The following PCDH9 variants were observed in gnomAD, a reference collection of about 807,000 sequenced individuals.
PCDH9 encodes the protein protocadherin-9.
In PCDH9, 24 loss-of-function variants were observed where a neutral mutation model predicts 70.6. That is an observed-to-expected ratio of 0.34 (90% confidence interval 0.25 to 0.48). The LOEUF (loss-of-function observed/expected upper bound fraction) is 0.48. PCDH9 is among the 20% of genes least tolerant of loss of function. PCDH9 has a pLI of 0.99. For missense variants in PCDH9, 1,281 were observed against 1,503.6 expected, an observed-to-expected ratio of 0.85 and a Z score of 2.45; for synonymous variants, 562 against 558.5, an observed-to-expected ratio of 1.01 and a Z score of -0.09.
chr13:66,490,689 T>C (rs1959019958), intron 4 of PCDH9, among the ~76,000 whole-genome samples: 1 of 152,170 alleles, frequency 6.6e-6, no homozygotes, highest in Non-Finnish European at 1.5e-5. Context: ...ATCAGTTGTG[T>C]AAATCTATAG....
chr13:67,148,620 A>C (rs1434733984), intron 2 of PCDH9, among the ~76,000 whole-genome samples: 1 of 152,126 alleles, frequency 6.6e-6, no homozygotes, highest in African/African-American at 2.4e-5. Flanking sequence ...TATTCATTTA[A>C]ATTTAAAACT....
intron 4 of PCDH9, among the ~76,000 whole-genome samples, chr13:66,461,094 A>C (rs1432849950): frequency 6.6e-6 from 1 of 151,816 alleles, no homozygotes; most frequent in Non-Finnish European, 1.5e-5. Context: ...GTATAGCCTC[A>C]AGAGACTGCC....
At chr13:67,025,373 G>A (rs2084759714) in intron 2 of PCDH9, among the ~76,000 whole-genome samples, 1 of 152,046 alleles carries the variant, frequency 6.6e-6, no homozygotes, top group Non-Finnish European at 1.5e-5. Flanking sequence ...GAATATGAAT[G>A]TGTTTCCTTT....
At chr13:66,429,317 C>G (rs116362740) in intron 4 of PCDH9, among the ~76,000 whole-genome samples, 1,694 of 151,258 alleles carry the variant, frequency 0.011, 29 homozygotes, top group African/African-American at 0.038. Flanking sequence ...TGTCATTTCC[C>G]AAAGAACAAG....
chr13:66,708,031 T>C (rs1468157616), intron 3 of PCDH9, among the ~76,000 whole-genome samples: 6 of 150,614 alleles, frequency 4.0e-5, no homozygotes, highest in Middle Eastern at 3.4e-3. Context: ...CAGATAACAC[T>C]TTTATTTTAT....
intron 4 of PCDH9, among the ~76,000 whole-genome samples, chr13:66,594,852 T>A (rs181371310): frequency 6.6e-6 from 1 of 151,696 alleles, no homozygotes; most frequent in Non-Finnish European, 1.5e-5. Flanking sequence ...TATGGCTGCA[T>A]AGTATTCCAC....
intron 4 of PCDH9, among the ~76,000 whole-genome samples, chr13:66,446,465 C>T (rs1336743343): frequency 6.6e-6 from 1 of 151,858 alleles, no homozygotes; most frequent in African/African-American, 2.4e-5. Context: ...AAAGAAGACC[C>T]AAAATGAGGT....
At chr13:66,623,033 C>A (rs148624869) in intron 4 of PCDH9, among the ~76,000 whole-genome samples, 2 of 152,064 alleles carry the variant, frequency 1.3e-5, no homozygotes, top group Non-Finnish European at 2.9e-5. Flanking sequence ...TCCTGAAGCC[C>A]GCGAGACCGC....
chr13:66,623,494 C>T (rs1464722173), intron 4 of PCDH9, among the ~76,000 whole-genome samples: 1 of 152,122 alleles, frequency 6.6e-6, no homozygotes. Flanking sequence ...GCTGGAGTGC[C>T]TGGGCACGAT....
At chr13:66,899,702 G>A (rs149231558) in intron 3 of PCDH9, among the ~76,000 whole-genome samples, 15 of 151,898 alleles carry the variant, frequency 9.9e-5, no homozygotes, top group African/African-American at 2.2e-4. Flanking sequence ...AATGAAATAC[G>A]GATCAAAAAT....
At chr13:66,804,346 G>A (rs1262474585) in intron 3 of PCDH9, among the ~76,000 whole-genome samples, 1 of 152,096 alleles carries the variant, frequency 6.6e-6, no homozygotes, top group African/African-American at 2.4e-5. Flanking sequence ...GAGGAGAAGA[G>A]GAGACTGGTC....
At chr13:66,412,153 A>T (rs1957381353) in intron 4 of PCDH9, among the ~76,000 whole-genome samples, 1 of 152,138 alleles carries the variant, frequency 6.6e-6, no homozygotes, top group East Asian at 1.9e-4. Context: ...TATTATAGAA[A>T]ATTTTCTGTA....
intron 4 of PCDH9, among the ~76,000 whole-genome samples, chr13:66,503,354 C>T (rs1959186956): frequency 1.3e-5 from 2 of 151,556 alleles, no homozygotes; most frequent in African/African-American, 4.9e-5. Context: ...TCCAAACTCC[C>T]CTGGGAGACT....
intron 3 of PCDH9, among the ~76,000 whole-genome samples, chr13:66,882,685 T>C (rs2081941179): frequency 1.3e-5 from 2 of 152,176 alleles, no homozygotes; most frequent in African/African-American, 2.4e-5. Flanking sequence ...AGCCACTCAA[T>C]GGCAATGTGT....
chr13:66,973,596 G>T (rs2083562486), intron 2 of PCDH9, among the ~76,000 whole-genome samples: 1 of 151,912 alleles, frequency 6.6e-6, no homozygotes, highest in South Asian at 2.1e-4. Context: ...AGATAAACCT[G>T]CTAATCATCT....
intron 4 of PCDH9, among the ~76,000 whole-genome samples, chr13:66,428,189 CT>C (rs1407934186): frequency 2.0e-5 from 3 of 151,604 alleles, no homozygotes; most frequent in Non-Finnish European, 3.0e-5. Context: ...TTCTATAAAT[CT>C]TTTTTTAAAC....
At chr13:66,983,783 G>A (rs534352763) in intron 2 of PCDH9, among the ~76,000 whole-genome samples, 1 of 152,036 alleles carries the variant, frequency 6.6e-6, no homozygotes, top group East Asian at 1.9e-4. Context: ...TTGTGACCGA[G>A]GAGGTGCTAA....
chr13:66,973,474 C>A (rs888166418), intron 2 of PCDH9, among the ~76,000 whole-genome samples: 15 of 151,782 alleles, frequency 9.9e-5, no homozygotes, highest in African/African-American at 3.4e-4. Flanking sequence ...AGGAAACGAC[C>A]AATATTGGAG....
intron 2 of PCDH9, among the ~76,000 whole-genome samples, chr13:67,007,664 A>G (rs1338916637): frequency 2.0e-5 from 3 of 152,178 alleles, no homozygotes; most frequent in Non-Finnish European, 4.4e-5. Flanking sequence ...TGGAATTTGA[A>G]TAAGAATCCT....
Sources: gnomAD v4.1 joint callset for allele counts (sites outside exome capture counted in the v4.1 genomes callset) on GRCh38, gnomAD v4.1.1 for gene constraint, MANE v1.5 for transcripts, NCBI Gene and HGNC (gene_info 2026-07-23, HGNC 2026-07-21) for gene names.